RGS11: variants seen among roughly 807,000 people sequenced by gnomAD.
RGS11 encodes regulator of G-protein signaling 11.
RGS11 carries 86 observed loss-of-function variants against 71.1 expected under a neutral mutation model. The ratio of observed to expected loss-of-function variants is 1.21; its 90% CI spans 1.02 to 1.45. RGS11 has a LOEUF of 1.45. Among genes scored for constraint, RGS11 ranks in the 40% most tolerant of loss-of-function variants. The pLI is 0.00. For missense variants in RGS11, 734 were observed against 635.1 expected, an observed-to-expected ratio of 1.16 and a Z score of -1.67; for synonymous variants, 298 against 254.2, an observed-to-expected ratio of 1.17 and a Z score of -1.64.
Position 275,385 on chromosome 16 carries a change from G to A in RGS11, c.160+17C>T. 6.2e-7 allele frequency: 1 copy of A among 1,608,680 alleles called. No homozygotes were observed. The highest frequency in any genetic ancestry group is 2.2e-5 in the East Asian group (1 of 44,832). On this transcript the variant is annotated intron_variant, in intron 2 of 16. Coordinates refer to ENST00000397770, the MANE Select transcript of RGS11 (RefSeq NM_183337.3). ...GAGGCCGAGGCGCGCACGCACCCCC[G>A]CCCCGGCGCGCCTCACCTGTCACCG...
rs367783075 is a variant in RGS11 at position 270,573 on chromosome 16, G to C, written c.1156C>G (p.Arg386Gly). The C allele has an allele frequency of 1.9e-6, 3 of 1,608,608 alleles. No homozygotes were observed. In the Admixed American group the frequency reaches 5.1e-5, roughly 27 times the overall value. The change falls in exon 15 of 17, where the codon CGC becomes GGC. Residue 386 changes from arginine to glycine, a missense_variant. Arg to Gly is a moderately radical substitution (Grantham distance 125, BLOSUM62 -2). Coordinates refer to ENST00000397770, the MANE Select transcript of RGS11 (RefSeq NM_183337.3). Reference protein sequence around the residue: ...QTLEGLRQPHRYVLDDAQLHI... With the variant: ...QTLEGLRQPHGYVLDDAQLHI... Reference sequence around the variant, plus strand: ...AGCTGGGCGTCATCCAGGACATAGCGGTGGGGCTGGCGCAGCCCCTCCAGG... The same window carrying C: ...AGCTGGGCGTCATCCAGGACATAGCCGTGGGGCTGGCGCAGCCCCTCCAGG...
At chr16:271,160 C>T in intron 12 of RGS11, 42 bp downstream of exon 12, 1 of 1,607,202 alleles carries the variant, frequency 6.2e-7, no homozygotes, top group Non-Finnish European at 8.5e-7. Flanking sequence ...TCCCCCCAGG[C>T]TGGGAGCACA....
chr16:275,285 T>TG lies in RGS11; in HGVS notation c.208_209insC (p.Glu70AlafsTer24), dbSNP rs776872773. 10 of 1,612,224 alleles carry TG rather than the reference T, an allele frequency of 6.2e-6. No homozygotes were observed. Among genetic ancestry groups the TG allele is most frequent in the Non-Finnish European group, 8.5e-6 (10 of 1,179,802 alleles). ...CCAGTGGGAGGCAGGGCGCTCACCC[T>TG]CCTCCGAGACGCAGAACTTCTGGGC... On this transcript the variant is annotated frameshift_variant, in exon 3 of 17. Transcript: ENST00000397770. LOFTEE classifies it high-confidence loss of function.
At chr16:271,370 C>G (rs773460163) in intron 11 of RGS11, 29 bp downstream of exon 11, 2 of 1,612,848 alleles carry the variant, frequency 1.2e-6, no homozygotes, top group South Asian at 2.2e-5. Context: ...CAGCAGGGGT[C>G]TCCAGCTGCC....
intron 16 of RGS11, 37 bp downstream of exon 16, chr16:269,466 C>A (rs776155848): frequency 1.2e-6 from 2 of 1,606,436 alleles, no homozygotes; most frequent in Non-Finnish European, 1.7e-6. Flanking sequence ...AGCCCCCAGG[C>A]CACAGCCGCC....
intron 16 of RGS11, 28 bp downstream of exon 16, chr16:269,475 C>G (rs367930013): frequency 1.9e-6 from 3 of 1,609,396 alleles, no homozygotes; most frequent in South Asian, 1.1e-5. Context: ...GCCACAGCCG[C>G]CGGCCACAGG....
At position 271,258 on chromosome 16, in the gene RGS11, C is replaced by T. The variant is rs775381061; in HGVS notation, c.807G>A (p.Leu269=). 3 of 1,612,846 alleles carry T rather than the reference C, an allele frequency of 1.9e-6. No homozygotes were observed. The Admixed American group carries it at 5.0e-5, about 27-fold the overall frequency. Residue 269 remains leucine, a synonymous_variant, in exon 12 of 17, where the codon CTG becomes CTA. Transcript: ENST00000397770. ...TGTCTGAGATCCAGGGATTGCTGGG[C>T]AGGCACCCCGACACGAGGGGATCGT... The part of the protein sequence containing the change: ...GPHDPLVSGC[L]PSNPWISDND...
At chr16:275,133 G>A (rs1350345596) in intron 3 of RGS11, 51 bp from the exon 4 acceptor site, 5 of 1,500,794 alleles carry the variant, frequency 3.3e-6, no homozygotes, top group African/African-American at 1.4e-5. Context: ...GGGCGAGGGC[G>A]GGACGAGCCG....
chr16:275,334 C>T lies in RGS11; in HGVS notation c.161-1G>A. On this transcript the variant is annotated splice_acceptor_variant, in intron 2 of 16. Transcript: ENST00000397770. LOFTEE classifies it high-confidence loss of function. ...GCCAACCACTGCACGACGTCGCTGC[C>T]TGCACGGGAGAGACAGAGGTGGAGG... The T allele has an allele frequency of 6.2e-7, 1 of 1,612,408 alleles. No homozygotes were observed. The highest frequency in any genetic ancestry group is 8.5e-7 in the Non-Finnish European group (1 of 1,179,860).
intron 7 of RGS11, 86 bp from the exon 8 acceptor site, chr16:273,642 G>A: frequency 6.7e-7 from 1 of 1,481,744 alleles, no homozygotes; most frequent in Non-Finnish European, 9.3e-7. Flanking sequence ...TGGGCAGGCA[G>A]CCACACCCAG....
chr16:268,757 C>T lies in RGS11; in HGVS notation c.*512G>A. ...CTCGAGGCAGCCTCAGCACGGCACTCTCTTGGGTCCTCTTCCAGGCTCACA... is the reference window on the plus strand; with the variant it reads ...CTCGAGGCAGCCTCAGCACGGCACTTTCTTGGGTCCTCTTCCAGGCTCACA... On this transcript the variant is annotated 3_prime_UTR_variant, in exon 17 of 17. Coordinates refer to ENST00000397770, the MANE Select transcript of RGS11 (RefSeq NM_183337.3). 6.5e-7 allele frequency: 1 copy of T among 1,548,602 alleles called. No individual in the cohort carries two copies.
chr16:273,770 C>G lies in RGS11; in HGVS notation c.496G>C (p.Glu166Gln). The change falls in exon 7 of 17, where the codon GAG (glutamate) becomes CAG (glutamine). Residue 166 changes from glutamate to glutamine, a missense_variant. Transcript: ENST00000397770. Reference protein sequence around the residue: ...AWDLVLMQAREQLRAAKQRSK... With the variant: ...AWDLVLMQARQQLRAAKQRSK... ...AGGGCGGGGCCTCACCTCAGCTGCTCCCTCGCCTGCATCAGCACCAGGTCC... is the reference window on the plus strand; with the variant it reads ...AGGGCGGGGCCTCACCTCAGCTGCTGCCTCGCCTGCATCAGCACCAGGTCC... 1.9e-6 allele frequency: 3 copies of G among 1,612,714 alleles called. No homozygotes were observed. The highest frequency in any genetic ancestry group is 2.5e-6 in the Non-Finnish European group (3 of 1,179,762).
At chr16:270,378 G>A in intron 15 of RGS11, 145 bp downstream of exon 15, 1 of 951,606 alleles carries the variant, frequency 1.1e-6, no homozygotes, top group South Asian at 1.7e-5. Flanking sequence ...AGCGGCCAGG[G>A]CGGCCCCAAC....
chr16:274,147 C>T, intron 5 of RGS11, 46 bp from the exon 6 acceptor site: 4 of 1,574,278 alleles, frequency 2.5e-6, no homozygotes, highest in Non-Finnish European at 3.4e-6. Flanking sequence ...TCTGCCCTGC[C>T]TCACGGCATC....
Position 270,514 on chromosome 16 carries a change from A to G in RGS11, c.1206+9T>C. 1 of 1,598,646 alleles carries G rather than the reference A, an allele frequency of 6.3e-7. No homozygotes were observed. The highest frequency in any genetic ancestry group is 8.5e-7 in the Non-Finnish European group (1 of 1,172,218). ...CCCTCCTGCCCCTGCAGGCTGGCCC[A>G]GCACCCACCTTCTTCATGAGCATGT... On this transcript the variant is annotated intron_variant, in intron 15 of 16. Transcript: ENST00000397770.
chr16:274,781 G>A (rs1424993456), intron 4 of RGS11, 195 bp downstream of exon 4: 1 of 777,598 alleles, frequency 1.3e-6, no homozygotes, highest in South Asian at 1.5e-5. Flanking sequence ...CCTCAGCCGG[G>A]TCCTTCTCAC....
intron 4 of RGS11, 44 bp downstream of exon 4, chr16:274,932 G>A (rs1049737862): frequency 3.9e-6 from 6 of 1,542,498 alleles, no homozygotes; most frequent in Non-Finnish European, 5.3e-6. Context: ...GGGTGGGTGG[G>A]GGTGGGGGTC....
At position 269,752 on chromosome 16, in the gene RGS11, G is replaced by A. The variant is rs116690161; in HGVS notation, c.1207-167C>T. 1,759 of 589,640 alleles carry A rather than the reference G, an allele frequency of 3.0e-3. 18 individuals are homozygous for A. Among genetic ancestry groups the A allele is most frequent in the African/African-American group, 0.022 (1,179 of 53,466 alleles). 36.5% of individuals were successfully genotyped at this position (589,640 alleles called of 1,614,324 possible). Reference sequence around the variant, plus strand: ...CGGACCTGCCCAGACCAAGGCAGACGCAGGGAGACCTGGGCTCCCGTCTGC... The same window carrying A: ...CGGACCTGCCCAGACCAAGGCAGACACAGGGAGACCTGGGCTCCCGTCTGC... On this transcript the variant is annotated intron_variant, in intron 15 of 16. Coordinates refer to ENST00000397770, the MANE Select transcript of RGS11 (RefSeq NM_183337.3).
chr16:275,003 C>G lies in RGS11; in HGVS notation c.291G>C (p.Arg97=). The part of the protein sequence containing the change: ...PLRDPRSLML[R]PDETPYRFQT... ...GGAACCTGTAGGGCGTCTCGTCTGG[C>G]CGGAGCATGAGGCTACGGGGGTCGC... Residue 97 remains arginine (R), a synonymous_variant, in exon 4 of 17, where the codon CGG becomes CGC. Transcript: ENST00000397770. The G allele has an allele frequency of 6.5e-7, 1 of 1,536,582 alleles. No individual in the cohort carries two copies.
Sources: gnomAD v4.1 joint callset for allele counts on GRCh38, gnomAD v4.1.1 for gene constraint, MANE v1.5 for transcripts, NCBI Gene and HGNC (gene_info 2026-07-23, HGNC 2026-07-21) for gene names.